Variants in KIAA1328 observed in about 807,000 individuals in gnomAD.
The protein encoded by KIAA1328 is protein hinderin.
KIAA1328 carries 52 observed loss-of-function variants against 68.1 expected under a neutral mutation model. The ratio of observed to expected loss-of-function variants is 0.76; its 90% CI spans 0.61 to 0.96. The LOEUF is 0.96. Among genes scored for constraint, KIAA1328 ranks in the 40% least tolerant of loss-of-function variants. The probability of loss-of-function intolerance (pLI) is 0.00; values close to 1 mark genes in which losing one functional copy is unlikely to be tolerated. For missense variants in KIAA1328, 641 were observed against 677.6 expected (o/e 0.95, Z 0.60); for synonymous variants, 232 against 239.4 (o/e 0.97, Z 0.28).
intron 6 of KIAA1328, among the ~76,000 whole-genome samples, chr18:37,043,859 C>A (rs750824222): frequency 4.6e-5 from 7 of 152,130 alleles, no homozygotes; most frequent in Non-Finnish European, 7.4e-5. Context: ...GTCTCGTTCC[C>A]CAGTGTCCTT....
At chr18:37,152,645 A>G (rs541306454) in intron 7 of KIAA1328, among the ~76,000 whole-genome samples, 1 of 152,296 alleles carries the variant, frequency 6.6e-6, no homozygotes, top group African/African-American at 2.4e-5. Flanking sequence ...GAAGCAGCCC[A>G]GAAGCATGTG....
chr18:37,153,835 C>T (rs1599445855), intron 7 of KIAA1328, among the ~76,000 whole-genome samples: 1 of 132,810 alleles, frequency 7.5e-6, no homozygotes, highest in Non-Finnish European at 1.6e-5. Flanking sequence ...TCTTCTAAAT[C>T]AAGGACTTGT....
In KIAA1328 at chr18:36,911,307, A is replaced by G. The variant is rs938355802; in HGVS notation, c.448+25635A>G. Reference sequence around the variant, plus strand: ...TTTAGCCTGTTATTCTACCTCTTCTATGAGAATACTCTAATTAGGAATTCG... The same window carrying G: ...TTTAGCCTGTTATTCTACCTCTTCTGTGAGAATACTCTAATTAGGAATTCG... On this transcript the variant is annotated intron_variant, in intron 5 of 9. Transcript: ENST00000280020. 5.3e-5 allele frequency among the ~76,000 whole-genome samples: 8 copies of G among 152,274 alleles called. No homozygotes were observed. In the South Asian group the frequency reaches 6.2e-4, roughly 12 times the overall value.
intron 6 of KIAA1328, among the ~76,000 whole-genome samples, chr18:36,963,493 A>G (rs574942262): frequency 6.6e-6 from 1 of 152,226 alleles, no homozygotes; most frequent in Non-Finnish European, 1.5e-5. Flanking sequence ...TCCTAAAGAC[A>G]TGTGGAAAAG....
chr18:37,164,800 C>T (rs574886409), intron 8 of KIAA1328, among the ~76,000 whole-genome samples: 40 of 152,078 alleles, frequency 2.6e-4, no homozygotes, highest in South Asian at 6.2e-4. Flanking sequence ...AAAATATGGA[C>T]GGGGAGGGTT....
chr18:37,029,306 G>A (rs576582877), intron 6 of KIAA1328, among the ~76,000 whole-genome samples: 1 of 152,170 alleles, frequency 6.6e-6, no homozygotes, highest in Admixed American at 6.5e-5. Context: ...TGTGTGCCTA[G>A]GGGTGTTTGT....
At chr18:37,095,498 A>C (rs2057379557) in intron 7 of KIAA1328, among the ~76,000 whole-genome samples, 1 of 152,210 alleles carries the variant, frequency 6.6e-6, no homozygotes, top group Non-Finnish European at 1.5e-5. Flanking sequence ...TCAATGAGGA[A>C]ATTAAGAAGG....
intron 7 of KIAA1328, among the ~76,000 whole-genome samples, chr18:37,099,306 T>G (rs1319422456): frequency 1.3e-5 from 2 of 152,230 alleles, no homozygotes; most frequent in Non-Finnish European, 2.9e-5. Context: ...AAGAACATCT[T>G]TATTTCTGCC....
intron 3 of KIAA1328, among the ~76,000 whole-genome samples, chr18:36,841,387 G>A (rs760744370): frequency 6.6e-6 from 1 of 151,264 alleles, no homozygotes; most frequent in Non-Finnish European, 1.5e-5. Context: ...CCCATAGACT[G>A]CCAGTATTGG....
chr18:37,180,624 CA>C (rs1378118865), intron 9 of KIAA1328, among the ~76,000 whole-genome samples: 1 of 102,136 alleles, frequency 9.8e-6, no homozygotes, highest in African/African-American at 3.7e-5. Context: ...AGAATCCTAA[CA>C]GTAACAAAAC....
Position 36,885,650 on chromosome 18 carries a change from A to T in KIAA1328, c.426A>T (p.Glu142Asp), listed in dbSNP as rs199608046. ...TCAGGCAGTTGGAAGAACAGAATGA[A>T]CTGATCATCAAAGAAAGGGAAGATA... Reference protein sequence around the residue: ...KKIRQLEEQNELIIKEREALQ... With the variant: ...KKIRQLEEQNDLIIKEREALQ... Residue 142 changes from glutamate (E) to aspartate (D), a missense_variant, in exon 5 of 10, where the codon GAA becomes GAT. Physicochemically the swap from Glu to Asp is conservative, Grantham distance 45. Transcript: ENST00000280020. The T allele has an allele frequency of 1.9e-4, 298 of 1,590,336 alleles. 1 individual carries two copies. Among genetic ancestry groups the T allele is most frequent in the Non-Finnish European group, 1.3e-5 (15 of 1,166,178 alleles).
At chr18:37,146,418 A>T (rs2058902738) in intron 7 of KIAA1328, among the ~76,000 whole-genome samples, 1 of 152,088 alleles carries the variant, frequency 6.6e-6, no homozygotes, top group Admixed American at 6.5e-5. Context: ...AAAAGACATG[A>T]TCTTCTTCTT....
intron 5 of KIAA1328, among the ~76,000 whole-genome samples, chr18:36,929,465 C>T (rs549237185): frequency 6.6e-6 from 1 of 151,526 alleles, no homozygotes; most frequent in South Asian, 2.1e-4. Flanking sequence ...CTTTGAATTT[C>T]TCTAGTGGTG....
At chr18:36,947,356 G>A (rs1251418599) in intron 5 of KIAA1328, among the ~76,000 whole-genome samples, 5 of 152,302 alleles carry the variant, frequency 3.3e-5, no homozygotes, top group Admixed American at 2.0e-4. Context: ...ATGTGATTGG[G>A]TGACAGCTTG....
intron 3 of KIAA1328, among the ~76,000 whole-genome samples, chr18:36,840,518 C>T (rs565593232): frequency 6.7e-5 from 10 of 149,100 alleles, no homozygotes; most frequent in East Asian, 2.0e-4. Context: ...GGCATGGTCT[C>T]GGCTCACTGC....
chr18:37,057,545 A>G (rs2055963946), intron 6 of KIAA1328, among the ~76,000 whole-genome samples: 1 of 150,826 alleles, frequency 6.6e-6, no homozygotes, highest in Non-Finnish European at 1.5e-5. Flanking sequence ...CTCCTGCTTC[A>G]GCCTCCTGAG....
intron 3 of KIAA1328, among the ~76,000 whole-genome samples, chr18:36,839,604 T>G (rs2046792594): frequency 6.6e-6 from 1 of 152,216 alleles, no homozygotes; most frequent in African/African-American, 2.4e-5. Context: ...CTTCTTTGCC[T>G]GCTTGGTTGT....
In KIAA1328 at chr18:36,831,735, A is replaced by G. The variant is rs184855587; in HGVS notation, c.58+2539A>G. On this transcript the variant is annotated intron_variant, in intron 1 of 9. Transcript: ENST00000280020. Reference sequence around the variant, plus strand: ...CCAGAAAGTCTCTGTGGTTGATAATAATTACATATACATGTATTGCTGGCA... The same window carrying G: ...CCAGAAAGTCTCTGTGGTTGATAATGATTACATATACATGTATTGCTGGCA... 1.1e-4 allele frequency among the ~76,000 whole-genome samples: 16 copies of G among 152,352 alleles called. No individual in the cohort carries two copies. In the East Asian group the frequency reaches 2.3e-3, roughly 22 times the overall value.
In KIAA1328 at chr18:36,844,221, G is replaced by T; in HGVS notation, c.251G>T (p.Gly84Val). The T allele has an allele frequency of 6.3e-7, 1 of 1,589,610 alleles. No homozygotes were observed. Among genetic ancestry groups the T allele is most frequent in the Non-Finnish European group, 8.5e-7 (1 of 1,170,898 alleles). ...DSVDEQNSCR[G>V]EIKSASLKDL... ...TTTTTTTTTAAGAATTCCTGCAGGGGAGAAATAAAGAGTGCATCATTGAAG... is the reference window on the plus strand; with the variant it reads ...TTTTTTTTTAAGAATTCCTGCAGGGTAGAAATAAAGAGTGCATCATTGAAG... The change falls in exon 4 of 10, where the codon GGA becomes GTA. Residue 84 changes from glycine (G) to valine (V), a missense_variant. By Grantham distance (109) the Gly-to-Val change is moderately radical. Coordinates refer to ENST00000280020, the MANE Select transcript of KIAA1328 (RefSeq NM_020776.3).
Sources: gnomAD v4.1 joint callset for allele counts (sites outside exome capture counted in the v4.1 genomes callset) on GRCh38, gnomAD v4.1.1 for gene constraint, MANE v1.5 for transcripts, NCBI Gene and HGNC (gene_info 2026-07-23, HGNC 2026-07-21) for gene names.